Variants in ICA1 observed in about 807,000 individuals in gnomAD.
ICA1 encodes the protein 69 kDa islet cell autoantigen.
A neutral mutation model predicts 71.0 loss-of-function variants in ICA1; 40 were observed. That is an observed-to-expected ratio of 0.56 (90% CI 0.44 to 0.73). ICA1 has a LOEUF of 0.73. Ranked by LOEUF, ICA1 falls within the 30% of genes least tolerant of loss-of-function variation. The pLI, the probability that ICA1 is intolerant of heterozygous loss-of-function variation, is 0.00. For missense variants in ICA1, 578 were observed against 576.5 expected (o/e 1.00, Z -0.03); for synonymous variants, 207 against 209.5 (o/e 0.99, Z 0.10).
At chr7:8,177,268 T>C (rs912498562) in intron 6 of ICA1, among the ~76,000 whole-genome samples, 13 of 152,206 alleles carry the variant, frequency 8.5e-5, no homozygotes, top group Admixed American at 5.2e-4. Context: ...ACATTTCAGG[T>C]TAATTTGGTC....
intron 6 of ICA1, among the ~76,000 whole-genome samples, chr7:8,205,838 G>C (rs1791328911): frequency 1.3e-5 from 2 of 151,884 alleles, no homozygotes; most frequent in Non-Finnish European, 2.9e-5. Context: ...AGAAATAGAA[G>C]TGGACGCTGA....
At chr7:8,221,553 C>T (rs1291044120) in intron 4 of ICA1, among the ~76,000 whole-genome samples, 155 bp from the exon 5 acceptor site, 2 of 152,108 alleles carry the variant, frequency 1.3e-5, no homozygotes, top group African/African-American at 2.4e-5. Context: ...CTCCCCCTAC[C>T]CCCCATTTAA....
At chr7:8,129,780 G>A (rs1790729344) in intron 12 of ICA1, among the ~76,000 whole-genome samples, 1 of 151,946 alleles carries the variant, frequency 6.6e-6, no homozygotes, top group Admixed American at 6.6e-5. Flanking sequence ...GTATACATGT[G>A]CCATGCTGGT....
At position 8,194,929 on chromosome 7, in the gene ICA1, G is replaced by C. The variant is rs1786929603; in HGVS notation, c.579+23376C>G. On this transcript the variant is annotated intron_variant, in intron 6 of 13. Coordinates refer to ENST00000402384, the MANE Select transcript of ICA1 (RefSeq NM_001136020.3). ...TTTTATGTTGAGTTGAAATAATAAAGCATTAAAAATTATATGTGTGGAAGA... is the reference window on the plus strand; with the variant it reads ...TTTTATGTTGAGTTGAAATAATAAACCATTAAAAATTATATGTGTGGAAGA... Among the ~76,000 whole-genome samples the C allele has an allele frequency of 3.3e-5, 5 of 151,944 alleles. No homozygotes were observed. In the South Asian group the frequency reaches 1.0e-3, roughly 32 times the overall value.
rs28639460 is a variant in ICA1 at position 8,223,104 on chromosome 7, A to G, written c.257-1706T>C. On this transcript the variant is annotated intron_variant, in intron 4 of 13. Coordinates refer to ENST00000402384, the MANE Select transcript of ICA1 (RefSeq NM_001136020.3). This position sits in a 1 kb window ranked among gnomAD's most constrained non-coding sequence, Gnocchi z 4.1. ...TTTTTAAAATTCCTATAATTATAAG[A>G]AGGTTTTTTGTTTTTTAATACATTC... is the stretch of plus-strand genomic sequence containing the variant. 0.099 allele frequency among the ~76,000 whole-genome samples: 15,030 copies of G among 152,188 alleles called. 1,866 individuals carry two copies. Among genetic ancestry groups the G allele is most frequent in the African/African-American group, 0.3 (12,331 of 41,462 alleles).
intron 6 of ICA1, among the ~76,000 whole-genome samples, chr7:8,183,961 T>C (rs1160687084): frequency 2.6e-5 from 4 of 152,070 alleles, no homozygotes; most frequent in African/African-American, 2.4e-5. Context: ...ATAAAAAATA[T>C]AGACTAGCAT....
At position 8,232,684 on chromosome 7, in the gene ICA1, T is replaced by A. The variant is rs2128462575; in HGVS notation, c.89A>T (p.Tyr30Phe). Residue 30 changes from tyrosine to phenylalanine, a missense_variant, in exon 3 of 14, where the codon TAT becomes TTT. Tyr to Phe is a conservative substitution (Grantham distance 22). Coordinates refer to ENST00000402384, the MANE Select transcript of ICA1 (RefSeq NM_001136020.3). ...AATAAAGGCCTGCTTCGTCTCCCAA[T>A]ATTTCTGTTGCATCTTATTTACAAC... ...KSVVNKMQQKYWETKQAFIKA... is the reference protein window; with the variant it reads ...KSVVNKMQQKFWETKQAFIKA... 4 of 1,612,952 alleles carry A rather than the reference T, an allele frequency of 2.5e-6. No homozygotes were observed. Among genetic ancestry groups the A allele is most frequent in the Middle Eastern group, 1.7e-4 (1 of 6,060 alleles).
At chr7:8,196,128 G>C (rs1376703073) in intron 6 of ICA1, among the ~76,000 whole-genome samples, 1 of 152,102 alleles carries the variant, frequency 6.6e-6, no homozygotes, top group Admixed American at 6.5e-5. Flanking sequence ...TCAGTAGATG[G>C]ATGAAAAAAC....
chr7:8,231,119 G>C (rs543531286), intron 3 of ICA1, among the ~76,000 whole-genome samples: 1 of 152,150 alleles, frequency 6.6e-6, no homozygotes, highest in Admixed American at 6.5e-5. Flanking sequence ...GCAGTGACTC[G>C]AAACAGCGTG....
At chr7:8,192,604 A>C (rs1471349579) in intron 6 of ICA1, among the ~76,000 whole-genome samples, 1 of 152,246 alleles carries the variant, frequency 6.6e-6, no homozygotes, top group African/African-American at 2.4e-5. Context: ...ATATCTCATT[A>C]AACTTCCATC....
At position 8,222,481 on chromosome 7, in the gene ICA1, G is replaced by C. The variant is rs1239248202; in HGVS notation, c.257-1083C>G. 6.6e-6 allele frequency among the ~76,000 whole-genome samples: 1 copy of C among 152,140 alleles called. No homozygotes were observed. Among genetic ancestry groups the C allele is most frequent in the East Asian group, 1.9e-4 (1 of 5,194 alleles). On this transcript the variant is annotated intron_variant, in intron 4 of 13. Coordinates refer to ENST00000402384, the MANE Select transcript of ICA1 (RefSeq NM_001136020.3). The surrounding 1 kb of genome is among the most constrained non-coding windows in gnomAD (Gnocchi z 4.8). ...CTAAATGCTACTAGGATTCTTGTCA[G>C]CTTTCACAAACCAGTCACTTTTCTT...
chr7:8,244,656 C>T (rs1257849711), intron 1 of ICA1, among the ~76,000 whole-genome samples: 1 of 152,022 alleles, frequency 6.6e-6, no homozygotes, highest in Non-Finnish European at 1.5e-5. Context: ...TGCAATCTAC[C>T]CATCTGATAA....
intron 3 of ICA1, among the ~76,000 whole-genome samples, chr7:8,229,185 G>A (rs1460617783): frequency 2.0e-5 from 3 of 152,174 alleles, no homozygotes; most frequent in Non-Finnish European, 4.4e-5. Flanking sequence ...TCAGCTGGAT[G>A]TCCTGTCTAT....
chr7:8,140,781 G>T (rs1794946662), intron 10 of ICA1, among the ~76,000 whole-genome samples: 1 of 152,172 alleles, frequency 6.6e-6, no homozygotes, highest in Non-Finnish European at 1.5e-5. Context: ...TGAGTCTTTT[G>T]TTGTTGTTGT....
chr7:8,191,133 A>C (rs1785457226), intron 6 of ICA1, among the ~76,000 whole-genome samples: 1 of 152,192 alleles, frequency 6.6e-6, no homozygotes, highest in South Asian at 2.1e-4. Flanking sequence ...AGTAACTGAA[A>C]TCACTATTTT....
In ICA1 at chr7:8,222,077, A is replaced by G. The variant is rs1324783233; in HGVS notation, c.257-679T>C. ...CTTTCTGCAGACTGATTTGACGGTA[A>G]ACATTTAAAAAATCATAGAATTACA... On this transcript the variant is annotated intron_variant, in intron 4 of 13. Coordinates refer to ENST00000402384, the MANE Select transcript of ICA1 (RefSeq NM_001136020.3). The surrounding 1 kb of genome is among the most constrained non-coding windows in gnomAD (Gnocchi z 4.8). Among the ~76,000 whole-genome samples the G allele has an allele frequency of 6.6e-6, 1 of 152,170 alleles. No individual in the cohort carries two copies. The highest frequency in any genetic ancestry group is 1.5e-5 in the Non-Finnish European group (1 of 68,018).
intron 6 of ICA1, among the ~76,000 whole-genome samples, chr7:8,182,497 G>GAAGTCACTA (rs1465519021): frequency 6.6e-6 from 1 of 152,164 alleles, no homozygotes; most frequent in African/African-American, 2.4e-5. Context: ...CCTGGAAACA[G>GAAGTCACTA]AAGTCATTAA....
intron 8 of ICA1, among the ~76,000 whole-genome samples, chr7:8,151,767 A>G (rs1009061375): frequency 2.6e-5 from 4 of 152,206 alleles, no homozygotes; most frequent in Non-Finnish European, 5.9e-5. Context: ...TTTGAGAAAA[A>G]CAAAATTTAG....
chr7:8,165,578 C>G (rs1805614324), intron 6 of ICA1, among the ~76,000 whole-genome samples: 1 of 152,196 alleles, frequency 6.6e-6, no homozygotes, highest in Non-Finnish European at 1.5e-5. Flanking sequence ...GAGAGGAAGT[C>G]AAGCTATCCC....
Sources: allele counts gnomAD v4.1 joint callset (sites outside exome capture counted in the v4.1 genomes callset), GRCh38; gene constraint gnomAD v4.1.1; non-coding constraint Gnocchi (gnomAD v3.1); transcripts MANE v1.5; gene names NCBI Gene and HGNC (gene_info 2026-07-23, HGNC 2026-07-21).